ROBO2: variants seen among roughly 807,000 people sequenced by gnomAD.
The protein encoded by ROBO2 is roundabout homolog 2.
Under a neutral mutation model 160.8 loss-of-function variants are expected in ROBO2, and 53 were observed. That is an observed-to-expected ratio of 0.33 (90% CI 0.26 to 0.41). ROBO2 has a LOEUF of 0.41. ROBO2 is among the 10% of genes least tolerant of loss of function. ROBO2 has a pLI of 1.00. For synonymous variants in ROBO2, 664 were observed against 611.7 expected, an observed-to-expected ratio of 1.09 and a Z score of -1.26; for missense variants, 1,577 against 1,722.4, an observed-to-expected ratio of 0.92 and a Z score of 1.49.
Position 76,709,118 on chromosome 3 carries a change from A to T in ROBO2, c.110-388896A>T, listed in dbSNP as rs2093234176. On this transcript the variant is annotated intron_variant, in intron 2 of 26. Coordinates refer to the ROBO2 transcript ENST00000487694. Reference sequence around the variant, plus strand: ...CTCTCTATGAAGTACCTTGATGAAGATATCCAATAGTACCATGAAAAGGTT... The same window carrying T: ...CTCTCTATGAAGTACCTTGATGAAGTTATCCAATAGTACCATGAAAAGGTT... Among the ~76,000 whole-genome samples, 3 of 152,208 alleles carry T rather than the reference A, an allele frequency of 2.0e-5. No individual in the cohort carries two copies. The South Asian group carries it at 6.2e-4, about 31-fold the overall frequency.
intron 2 of ROBO2, among the ~76,000 whole-genome samples, chr3:76,877,727 A>G (rs1333459938): frequency 1.3e-5 from 2 of 152,180 alleles, no homozygotes; most frequent in East Asian, 3.8e-4. Context: ...TTAAACAACA[A>G]TTTATTTGCT....
chr3:76,609,782 T>C (rs2087943433), intron 2 of ROBO2, among the ~76,000 whole-genome samples: 1 of 152,212 alleles, frequency 6.6e-6, no homozygotes, highest in African/African-American at 2.4e-5. Flanking sequence ...AAAGTGGACA[T>C]CCTTGTCTTC....
At chr3:77,507,668 ATTGTAAAACCAGTT>A (rs1410957396) in intron 5 of ROBO2, among the ~76,000 whole-genome samples, 2 of 152,282 alleles carry the variant, frequency 1.3e-5, no homozygotes, top group Non-Finnish European at 2.9e-5. Flanking sequence ...TTCTAGTCCT[ATTGTAAAACCAGTT>A]TTGAAAGTAT....
At chr3:76,471,838 T>C (rs185047825) in intron 2 of ROBO2, among the ~76,000 whole-genome samples, 1 of 152,154 alleles carries the variant, frequency 6.6e-6, no homozygotes, top group East Asian at 1.9e-4. Flanking sequence ...CATCACGTGA[T>C]GGCAGGAAGG....
chr3:77,291,662 G>C (rs1377251603), intron 2 of ROBO2, among the ~76,000 whole-genome samples: 1 of 151,702 alleles, frequency 6.6e-6, no homozygotes, highest in Non-Finnish European at 1.5e-5. Context: ...CAGACATAAA[G>C]TAAAATTGAT....
intron 21 of ROBO2, among the ~76,000 whole-genome samples, chr3:77,608,885 A>G (rs921670951): frequency 6.6e-6 from 1 of 151,794 alleles, no homozygotes; most frequent in Non-Finnish European, 1.5e-5. Flanking sequence ...TTTATTTATT[A>G]TCTTGGCTTA....
chr3:77,264,614 T>C lies in ROBO2; in HGVS notation c.388+166274T>C, dbSNP rs140681093. The stretch of plus-strand genomic sequence containing the variant: ...CTTTAGTTTGTCAACTGGATCCTTC[T>C]AGAGGAGTCAATAGTATTTTTGTTT... On this transcript the variant is annotated intron_variant, in intron 2 of 25. Transcript: ENST00000461745. 7.9e-5 allele frequency among the ~76,000 whole-genome samples: 12 copies of C among 152,272 alleles called. No homozygotes were observed. In the East Asian group the frequency reaches 2.3e-3, roughly 29 times the overall value.
At chr3:76,185,215 T>TATATATATATAC in intron 2 of ROBO2, among the ~76,000 whole-genome samples, 1,399 of 90,290 alleles carry the variant, frequency 0.015, 39 homozygotes, top group Middle Eastern at 0.073. Flanking sequence ...TATATATATA[T>TATATATATATAC]ACACACACAA....
At chr3:77,584,573 A>T (rs1057017784) in intron 16 of ROBO2, among the ~76,000 whole-genome samples, 3 of 152,158 alleles carry the variant, frequency 2.0e-5, no homozygotes, top group Non-Finnish European at 4.4e-5. Context: ...CAGATTTAAC[A>T]TTCAGTCATA....
At chr3:77,116,095 C>A (rs2074169881) in intron 2 of ROBO2, among the ~76,000 whole-genome samples, 1 of 152,200 alleles carries the variant, frequency 6.6e-6, no homozygotes, top group Admixed American at 6.5e-5. Context: ...GAACTTAATA[C>A]CTGAAATGCT....
In ROBO2 at chr3:77,616,182, C is replaced by T. The variant is rs561512023; in HGVS notation, c.3294-1331C>T. 2.6e-5 allele frequency among the ~76,000 whole-genome samples: 4 copies of T among 152,180 alleles called. No homozygotes were observed. In the South Asian group the frequency reaches 8.3e-4, roughly 32 times the overall value. ...AGAGAAGACTTCACAAAACTGATGACGTTTGAAGTGACTGGTTGAAGGAAG... is the reference window on the plus strand; with the variant it reads ...AGAGAAGACTTCACAAAACTGATGATGTTTGAAGTGACTGGTTGAAGGAAG... On this transcript the variant is annotated intron_variant, in intron 21 of 25. Transcript: ENST00000461745.
At chr3:76,540,163 G>C (rs2108215366) in intron 2 of ROBO2, among the ~76,000 whole-genome samples, 1 of 152,216 alleles carries the variant, frequency 6.6e-6, no homozygotes, top group African/African-American at 2.4e-5. Flanking sequence ...TGAAATGTCA[G>C]GGACCTTAAA....
At chr3:77,018,014 G>T (rs571861092) in intron 2 of ROBO2, among the ~76,000 whole-genome samples, 9 of 152,180 alleles carry the variant, frequency 5.9e-5, no homozygotes, top group African/African-American at 2.2e-4. Flanking sequence ...CCCAAATCTC[G>T]TGATATCGCC....
At chr3:77,408,497 T>G (rs1356921198) in intron 2 of ROBO2, among the ~76,000 whole-genome samples, 1 of 152,160 alleles carries the variant, frequency 6.6e-6, no homozygotes, top group Non-Finnish European at 1.5e-5. Flanking sequence ...ACATATTAAT[T>G]AAAAAGCAAA....
At chr3:77,045,507 T>A (rs2064558744) in intron 1 of ROBO2, among the ~76,000 whole-genome samples, 1 of 152,204 alleles carries the variant, frequency 6.6e-6, no homozygotes, top group African/African-American at 2.4e-5. Flanking sequence ...CATACTCACC[T>A]GACTACTTGA....
chr3:76,656,131 G>T (rs141217707), intron 2 of ROBO2, among the ~76,000 whole-genome samples: 1 of 152,068 alleles, frequency 6.6e-6, no homozygotes, highest in African/African-American at 2.4e-5. Context: ...TATATAATAA[G>T]TTGCTCATGA....
In ROBO2 at chr3:76,039,697, A is replaced by G. The variant is rs756925106; in HGVS notation, c.109+102095A>G. Among the ~76,000 whole-genome samples the G allele has an allele frequency of 9.2e-5, 14 of 152,186 alleles. No individual in the cohort carries two copies. The South Asian group carries it at 2.1e-3, about 22-fold the overall frequency. On this transcript the variant is annotated intron_variant, in intron 2 of 26. Transcript: ENST00000487694. Reference sequence around the variant, plus strand: ...GGAAGAAGGAGTTCTTTGTGAATCTATAATAATAAGCATAGATATTTGTCA... The same window carrying G: ...GGAAGAAGGAGTTCTTTGTGAATCTGTAATAATAAGCATAGATATTTGTCA...
At chr3:77,185,875 GCAGCAAC>G (rs748366824) in intron 2 of ROBO2, among the ~76,000 whole-genome samples, 14 of 151,908 alleles carry the variant, frequency 9.2e-5, no homozygotes, top group Non-Finnish European at 2.1e-4. Context: ...AATAGCATTT[GCAGCAAC>G]CTGGATGAGA....
In ROBO2 at chr3:77,040,813, C is replaced by G. The variant is rs766602763; in HGVS notation, c.28C>G (p.Leu10Val). 5 of 1,613,976 alleles carry G rather than the reference C, an allele frequency of 3.1e-6. No homozygotes were observed. The African/African-American group carries it at 5.3e-5, about 17-fold the overall frequency. Reference sequence around the variant, plus strand: ...GAGTCTGCTGATGTTTACACAACTACTGCTCTGTGGATTTTTATATGTTCG... The same window carrying G: ...GAGTCTGCTGATGTTTACACAACTAGTGCTCTGTGGATTTTTATATGTTCG... Residue 10 changes from leucine to valine, a missense_variant, in exon 1 of 26, where the codon CTG becomes GTG. Around this residue, in one of 2 missense-constraint regions of ROBO2, gnomAD observed 940 missense variants for 1,135.5 expected, o/e 0.83. Transcript: ENST00000461745.
Sources: allele counts gnomAD v4.1 joint callset (sites outside exome capture counted in the v4.1 genomes callset), GRCh38; gene constraint gnomAD v4.1.1; regional missense constraint gnomAD v4.1.1; transcripts MANE v1.5; gene names NCBI Gene and HGNC (gene_info 2026-07-23, HGNC 2026-07-21).